Variants in MARCHF1 observed in about 807,000 individuals in gnomAD.
The protein encoded by MARCHF1 is membrane associated ring-CH-type finger 1, also known as E3 ubiquitin-protein ligase MARCHF1.
In MARCHF1, 40 loss-of-function variants were observed where a neutral mutation model predicts 54.2. The ratio of observed to expected loss-of-function variants is 0.74; its 90% confidence interval spans 0.57 to 0.96. The LOEUF is 0.96. MARCHF1 is among the 40% of genes least tolerant of loss of function. MARCHF1 has a pLI of 0.00. For missense variants in MARCHF1, 586 were observed against 656.5 expected, an observed-to-expected ratio of 0.89 and a Z score of 1.17; for synonymous variants, 236 against 236.3, an observed-to-expected ratio of 1.00 and a Z score of 0.01.
At chr4:163,535,753 C>CTTTTTTTTTTTTTTTT (rs34118311) in intron 9 of MARCHF1, among the ~76,000 whole-genome samples, 1 of 144,162 alleles carries the variant, frequency 6.9e-6, no homozygotes, top group Non-Finnish European at 1.5e-5. Flanking sequence ...TATAGAAGGG[C>CTTTTTTTTTTTTTTTT]TTTTTTTTTT....
intron 4 of MARCHF1, among the ~76,000 whole-genome samples, chr4:163,714,918 G>A (rs1021538168): frequency 6.6e-5 from 10 of 152,286 alleles, no homozygotes; most frequent in African/African-American, 2.2e-4. Flanking sequence ...CTGGCCTCAA[G>A]TAATTTTCCT....
At chr4:163,847,023 G>C (rs1749501904) in intron 4 of MARCHF1, among the ~76,000 whole-genome samples, 2 of 152,134 alleles carry the variant, frequency 1.3e-5, no homozygotes. Flanking sequence ...AAAATCTCAA[G>C]TCCAGGGGCT....
chr4:163,782,066 G>C (rs570019271), intron 4 of MARCHF1, among the ~76,000 whole-genome samples: 2 of 152,026 alleles, frequency 1.3e-5, no homozygotes, highest in Non-Finnish European at 2.9e-5. Context: ...TCAGTAACAG[G>C]TTCCCTCATA....
chr4:164,302,726 G>T (rs1271170429), intron 1 of MARCHF1, among the ~76,000 whole-genome samples: 5 of 151,936 alleles, frequency 3.3e-5, no homozygotes, highest in African/African-American at 1.2e-4. Context: ...AAAATTAGCT[G>T]GGCATGGTGG....
chr4:164,031,583 G>C (rs1753879227), intron 2 of MARCHF1, among the ~76,000 whole-genome samples: 1 of 152,050 alleles, frequency 6.6e-6, no homozygotes, highest in South Asian at 2.1e-4. Context: ...TACCTGTTGA[G>C]ATAATCATGT....
intron 1 of MARCHF1, among the ~76,000 whole-genome samples, chr4:164,207,972 A>G (rs571002505): frequency 4.6e-5 from 7 of 152,106 alleles, no homozygotes; most frequent in Non-Finnish European, 8.8e-5. Flanking sequence ...AACTTAAAAT[A>G]AAAGTTGAAA....
chr4:163,625,371 C>T (rs776683831), intron 5 of MARCHF1, among the ~76,000 whole-genome samples: 1 of 152,188 alleles, frequency 6.6e-6, no homozygotes, highest in Non-Finnish European at 1.5e-5. Flanking sequence ...TTGTGCTTCA[C>T]TACCACTTTG....
chr4:164,331,061 T>C (rs970880360), intron 1 of MARCHF1, among the ~76,000 whole-genome samples: 3 of 152,182 alleles, frequency 2.0e-5, no homozygotes, highest in South Asian at 2.1e-4. Context: ...ACCATTCTGA[T>C]GAAAAGTTTT....
At chr4:163,906,214 G>A (rs1056925965) in intron 3 of MARCHF1, among the ~76,000 whole-genome samples, 1 of 151,962 alleles carries the variant, frequency 6.6e-6, no homozygotes, top group Non-Finnish European at 1.5e-5. Flanking sequence ...TTGATTACTG[G>A]CTTTTACTCA....
chr4:163,942,252 A>G (rs1316449180), intron 3 of MARCHF1, among the ~76,000 whole-genome samples: 1 of 152,220 alleles, frequency 6.6e-6, no homozygotes, highest in Non-Finnish European at 1.5e-5. Context: ...TTCTCAAAGT[A>G]CACCAGGTAG....
intron 4 of MARCHF1, among the ~76,000 whole-genome samples, chr4:163,806,314 A>G (rs777637092): frequency 1.3e-5 from 2 of 152,170 alleles, no homozygotes; most frequent in Non-Finnish European, 2.9e-5. Flanking sequence ...ATGATTAGGA[A>G]CCCTCATAAA....
rs900212253 is a variant in MARCHF1 at position 163,790,731 on chromosome 4, A to C, written c.111+63290T>G. On this transcript the variant is annotated intron_variant, in intron 4 of 9. Coordinates refer to ENST00000514618, the MANE Select transcript of MARCHF1 (RefSeq NM_001394959.1). The stretch of plus-strand genomic sequence containing the variant: ...AAAATGCTGGGGCCTGGAGGTGAAC[A>C]CAGTGGAGTAGTGTCTTCTTAGGCA... 2.6e-5 allele frequency among the ~76,000 whole-genome samples: 4 copies of C among 152,112 alleles called. No homozygotes were observed. The South Asian group carries it at 8.3e-4, about 32-fold the overall frequency.
At chr4:164,163,119 A>G (rs1256300731) in intron 1 of MARCHF1, among the ~76,000 whole-genome samples, 1 of 152,108 alleles carries the variant, frequency 6.6e-6, no homozygotes, top group Non-Finnish European at 1.5e-5. Context: ...TTAAAATAGT[A>G]AAGAATGCAC....
chr4:164,196,204 T>TA (rs1429263166), intron 1 of MARCHF1, among the ~76,000 whole-genome samples: 3 of 152,138 alleles, frequency 2.0e-5, no homozygotes, highest in Admixed American at 6.5e-5. Context: ...AGCTTTTAAA[T>TA]AAAAAATGTA....
At chr4:163,561,026 T>C (rs1221395617) in intron 8 of MARCHF1, among the ~76,000 whole-genome samples, 3 of 152,294 alleles carry the variant, frequency 2.0e-5, no homozygotes, top group Middle Eastern at 3.4e-3. Context: ...CTTGCTTTAT[T>C]GCACTGGCTA....
At chr4:164,272,596 A>G (rs1475123498) in intron 1 of MARCHF1, among the ~76,000 whole-genome samples, 1 of 152,032 alleles carries the variant, frequency 6.6e-6, no homozygotes, top group Admixed American at 6.6e-5. Context: ...ATAGATTCAC[A>G]TGTGAGAAAA....
intron 1 of MARCHF1, among the ~76,000 whole-genome samples, chr4:164,191,653 A>T (rs1326242702): frequency 6.6e-6 from 1 of 152,194 alleles, no homozygotes; most frequent in East Asian, 1.9e-4. Flanking sequence ...GTTCTGAAAA[A>T]TCACAATTTG....
chr4:163,645,302 C>G (rs1030222807), intron 5 of MARCHF1, among the ~76,000 whole-genome samples: 1 of 152,172 alleles, frequency 6.6e-6, no homozygotes, highest in Admixed American at 6.5e-5. Flanking sequence ...AGCCATGTGA[C>G]CTGACTCCAG....
At position 164,306,789 on chromosome 4, in the gene MARCHF1, A is replaced by G. The variant is rs75711931; in HGVS notation, c.-323+77081T>C. Among the ~76,000 whole-genome samples the G allele has an allele frequency of 0.013, 2,040 of 152,300 alleles. 130 individuals carry two copies. The East Asian group carries it at 0.17, about 12-fold the overall frequency. On this transcript the variant is annotated intron_variant, in intron 1 of 9. Coordinates refer to ENST00000514618, the MANE Select transcript of MARCHF1 (RefSeq NM_001394959.1). ...ATCTGGAAAAGAGAGCCCATAATTAATAAATCAAAAAGACGATATAAATTT... is the reference window on the plus strand; with the variant it reads ...ATCTGGAAAAGAGAGCCCATAATTAGTAAATCAAAAAGACGATATAAATTT...
Sources: gnomAD v4.1 joint callset for allele counts (sites outside exome capture counted in the v4.1 genomes callset) on GRCh38, gnomAD v4.1.1 for gene constraint, MANE v1.5 for transcripts, NCBI Gene and HGNC (gene_info 2026-07-23, HGNC 2026-07-21) for gene names.